The following RSF1 variants were observed in gnomAD, a reference collection of about 807,000 sequenced individuals.
RSF1 encodes the protein remodeling and spacing factor 1.
Under a neutral mutation model 145.2 loss-of-function variants are expected in RSF1, and 13 were observed. That is an observed-to-expected ratio of 0.09 (90% CI 0.06 to 0.14). The LOEUF is 0.14. RSF1 is among the 10% of genes least tolerant of loss of function. The pLI is 1.00. For missense variants in RSF1, 1,517 were observed against 1,718.2 expected, an observed-to-expected ratio of 0.88 and a Z score of 2.07; for synonymous variants, 577 against 592.6, an observed-to-expected ratio of 0.97 and a Z score of 0.38.
chr11:77,808,011 G>A (rs562080706), intron 1 of RSF1, among the ~76,000 whole-genome samples: 13 of 152,138 alleles, frequency 8.5e-5, no homozygotes, highest in African/African-American at 1.7e-4. Context: ...TTATTTCGTC[G>A]AGCCAATCCC....
intron 6 of RSF1, 78 bp from the exon 7 acceptor site, chr11:77,698,771 TATA>T (rs2135850124): frequency 8.2e-7 from 1 of 1,216,868 alleles, no homozygotes; most frequent in Admixed American, 1.8e-5. Flanking sequence ...ATGTCCATTG[TATA>T]ATAATATTCA....
intron 3 of RSF1, among the ~76,000 whole-genome samples, chr11:77,743,929 T>C (rs891578237): frequency 3.3e-5 from 5 of 152,232 alleles, no homozygotes; most frequent in African/African-American, 7.2e-5. Flanking sequence ...GAAAGCAAAG[T>C]TGAATTTTCT....
At chr11:77,836,208 A>G in the RSF1 span, among the ~76,000 whole-genome samples, 1 of 152,084 alleles carries the variant, frequency 6.6e-6, no homozygotes, top group Non-Finnish European at 1.5e-5. Context: ...TTTCTTACTT[A>G]GAAATTGCTG....
intron 13 of RSF1, 128 bp from the exon 14 acceptor site, chr11:77,675,384 G>C (rs558929379): frequency 9.0e-6 from 6 of 664,828 alleles, no homozygotes; most frequent in African/African-American, 3.6e-5. Flanking sequence ...CTGGATAATT[G>C]TATCAAATGC....
At chr11:77,855,939 A>G in the RSF1 span, among the ~76,000 whole-genome samples, 2 of 152,022 alleles carry the variant, frequency 1.3e-5, no homozygotes, top group African/African-American at 4.8e-5. Flanking sequence ...GCAACATGGC[A>G]AAACCCTGGC....
intron 4 of RSF1, among the ~76,000 whole-genome samples, chr11:77,736,368 G>T (rs547033230): frequency 6.6e-6 from 1 of 152,230 alleles, no homozygotes; most frequent in South Asian, 2.1e-4. Context: ...CTTCTTTGTG[G>T]TTGTTCCCAT....
chr11:77,763,071 T>C (rs1948191707), intron 2 of RSF1: 1 of 152,234 alleles, frequency 6.6e-6, no homozygotes, highest in Non-Finnish European at 1.5e-5. Flanking sequence ...CCGGGCACGG[T>C]GGCTCACGCC....
chr11:77,844,651 C>T, the RSF1 span, among the ~76,000 whole-genome samples: 71 of 152,292 alleles, frequency 4.7e-4, no homozygotes, highest in African/African-American at 1.7e-3. Context: ...CATGAGCCAT[C>T]ATGCCCAGCC....
At chr11:77,674,556 G>T (rs1243338953) in intron 14 of RSF1, among the ~76,000 whole-genome samples, 1 of 152,170 alleles carries the variant, frequency 6.6e-6, no homozygotes, top group African/African-American at 2.4e-5. Context: ...GACAACCAAG[G>T]AGTCATCACA....
chr11:77,692,539 C>T lies in RSF1; in HGVS notation c.2820+968G>A, dbSNP rs1191306349. ...GATTACAGGCGTGAGCCACCGCGCCCGGCCACTACTTTTAAATTTTTTAGA... is the reference window on the plus strand; with the variant it reads ...GATTACAGGCGTGAGCCACCGCGCCTGGCCACTACTTTTAAATTTTTTAGA... On this transcript the variant is annotated intron_variant, in intron 8 of 15. Transcript: ENST00000308488. Among the ~76,000 whole-genome samples the T allele has an allele frequency of 5.6e-4, 57 of 101,924 alleles. 1 individual carries two copies. Among genetic ancestry groups the T allele is most frequent in the African/African-American group, 2.3e-3 (46 of 19,660 alleles). 66.9% of individuals were successfully genotyped at this position (101,924 alleles called of 152,430 possible). A position where few individuals can be genotyped will look rare whatever the true frequency, so the allele number is the denominator to read the frequency against.
intron 11 of RSF1, among the ~76,000 whole-genome samples, chr11:77,682,215 A>C (rs1464790057): frequency 6.6e-6 from 1 of 152,128 alleles, no homozygotes; most frequent in African/African-American, 2.4e-5. Flanking sequence ...TACTGATTCT[A>C]CCATATTTTT....
At chr11:77,678,849 G>A (rs1590825251) in intron 11 of RSF1, among the ~76,000 whole-genome samples, 1 of 152,118 alleles carries the variant, frequency 6.6e-6, no homozygotes, top group African/African-American at 2.4e-5. Context: ...CAGAAAGCAG[G>A]CCCTCACCAG....
rs1960412131 is a variant in RSF1, at chr11:77,701,161, C to T, written c.2068G>A (p.Gly690Ser). Residue 690 changes from glycine (G) to serine (S), a missense_variant, in exon 6 of 16, where the codon GGC (glycine) becomes AGC (serine). Gly to Ser is a moderately conservative substitution (Grantham distance 56). Coordinates refer to ENST00000308488, the MANE Select transcript of RSF1 (RefSeq NM_016578.4). ...MDNLDNAQTSGIEEPSETKGS... is the reference protein window; with the variant it reads ...MDNLDNAQTSSIEEPSETKGS... ...TTTGTCTCAGAAGGCTCCTCTATGCCAGAGGTCTGGGCATTGTCCAGATTA... is the reference window on the plus strand; with the variant it reads ...TTTGTCTCAGAAGGCTCCTCTATGCTAGAGGTCTGGGCATTGTCCAGATTA... The T allele has an allele frequency of 6.2e-7, 1 of 1,614,066 alleles. No homozygotes were observed. The highest frequency in any genetic ancestry group is 1.7e-5 in the Admixed American group (1 of 60,016).
the RSF1 span, among the ~76,000 whole-genome samples, chr11:77,851,948 T>C: frequency 6.6e-6 from 1 of 152,096 alleles, no homozygotes; most frequent in Admixed American, 6.6e-5. Flanking sequence ...ATAAAAGAAA[T>C]AGAATAAACA....
the RSF1 span, among the ~76,000 whole-genome samples, chr11:77,870,726 G>A: frequency 2.6e-5 from 4 of 152,214 alleles, no homozygotes; most frequent in African/African-American, 9.6e-5. Context: ...AAAGGTGGGA[G>A]ATTCCCTTCC....
chr11:77,703,246 T>A (rs1242585459), intron 5 of RSF1: 1 of 152,198 alleles, frequency 6.6e-6, no homozygotes, highest in Non-Finnish European at 1.5e-5. Flanking sequence ...GATTTATCTG[T>A]CAATTCTTCT....
At chr11:77,821,854 C>T (rs1458255770), upstream of RSF1, among the ~76,000 whole-genome samples, 1 of 152,086 alleles carries the variant, frequency 6.6e-6, no homozygotes, top group Non-Finnish European at 1.5e-5. Context: ...TGGATTCAGC[C>T]AGGCCTGAGT....
chr11:77,735,139 T>C (rs946121266), intron 4 of RSF1: 3 of 718,090 alleles, frequency 4.2e-6, no homozygotes, highest in Admixed American at 4.0e-5. Context: ...GAGGGCTGGC[T>C]ATGGGCGGCC....
In RSF1 at chr11:77,661,838, C is replaced by T. The variant is rs1190798402; in HGVS notation, c.*5079G>A. The T allele has an allele frequency of 1.3e-5, 2 of 150,892 alleles. No homozygotes were observed. Among genetic ancestry groups the T allele is most frequent in the Non-Finnish European group, 2.9e-5 (2 of 67,802 alleles). 9.3% of individuals were successfully genotyped at this position (150,892 alleles called of 1,614,324 possible). A position where few individuals can be genotyped will look rare whatever the true frequency, so the allele number is the denominator to read the frequency against. On this transcript the variant is annotated 3_prime_UTR_variant, in exon 16 of 16. Coordinates refer to ENST00000308488, the MANE Select transcript of RSF1 (RefSeq NM_016578.4). The stretch of plus-strand genomic sequence containing the variant: ...TTTGAGCCATGAAGTTCCCCAATAA[C>T]TATGTTCTGGCTGTTCATGAGCATG...
Sources: allele counts gnomAD v4.1 joint callset (sites outside exome capture counted in the v4.1 genomes callset), GRCh38; gene constraint gnomAD v4.1.1; transcripts MANE v1.5; gene names NCBI Gene and HGNC (gene_info 2026-07-23, HGNC 2026-07-21).